The following RP1 variants were observed in gnomAD, a reference collection of about 807,000 sequenced individuals.
RP1 encodes oxygen-regulated protein 1.
RP1 carries 16 observed loss-of-function variants against 14.8 expected under a neutral mutation model. That is an observed-to-expected ratio of 1.08 (90% CI 0.73 to 1.65). The LOEUF is 1.65. RP1 is among the 40% of genes most tolerant of loss of function. The pLI, the probability that RP1 is intolerant of heterozygous loss-of-function variation, is 0.00. For synonymous variants in RP1, 876 were observed against 883.6 expected (o/e 0.99, Z 0.15); for missense variants, 2,631 against 2,535.0 (o/e 1.04, Z -0.81).
Position 54,626,756 on chromosome 8 carries a change from T to G in RP1, c.2874T>G (p.His958Gln). 6.2e-7 allele frequency: 1 copy of G among 1,613,858 alleles called. No individual in the cohort carries two copies. ...SNNSFSGNDP[H>Q]TNSGKISNFV... Reference sequence around the variant, plus strand: ...ATAGTTTTTCAGGGAATGATCCCCATACAAATTCTGGAAAAATAAGTAATT... The same window carrying G: ...ATAGTTTTTCAGGGAATGATCCCCAGACAAATTCTGGAAAAATAAGTAATT... Residue 958 changes from histidine (H) to glutamine (Q), a missense_variant, in exon 4 of 4, where the codon CAT becomes CAG. Coordinates refer to ENST00000220676, the MANE Select transcript of RP1 (RefSeq NM_006269.2).
intron 7 of RP1, among the ~76,000 whole-genome samples, chr8:54,665,071 A>C (rs1468661414): frequency 2.6e-5 from 4 of 152,198 alleles, no homozygotes; most frequent in African/African-American, 9.6e-5. Flanking sequence ...TCTGGAACTT[A>C]AACCTTTGTA....
chr8:54,857,158 C>A (rs981914678), intron 27 of RP1: 1 of 723,488 alleles, frequency 1.4e-6, no homozygotes, highest in South Asian at 7.1e-5. Flanking sequence ...TATGAAAAAT[C>A]GTATAAGAAG....
intron 26 of RP1, among the ~76,000 whole-genome samples, chr8:54,856,732 C>T (rs767531307): frequency 7.2e-5 from 11 of 152,028 alleles, no homozygotes; most frequent in South Asian, 2.1e-4. Context: ...TCATATAGTA[C>T]GGATTATGAG....
intron 24 of RP1, among the ~76,000 whole-genome samples, chr8:54,825,751 C>T (rs536698115): frequency 6.6e-6 from 1 of 152,238 alleles, no homozygotes; most frequent in South Asian, 2.1e-4. Flanking sequence ...TTAGTTGTAT[C>T]AAGTTTTCCT....
intron 1 of RP1, among the ~76,000 whole-genome samples, chr8:54,603,584 G>A (rs958284039): frequency 9.2e-5 from 14 of 152,128 alleles, no homozygotes; most frequent in Admixed American, 9.2e-4. Flanking sequence ...GAAAGTCATT[G>A]GTAGCTTGAT....
intron 1 of RP1, among the ~76,000 whole-genome samples, chr8:54,617,099 A>G (rs1460894254): frequency 6.6e-6 from 1 of 152,248 alleles, no homozygotes; most frequent in East Asian, 1.9e-4. Context: ...GCAAGCTGTC[A>G]TGTCATTAGA....
downstream of RP1, among the ~76,000 whole-genome samples, chr8:54,773,068 C>G (rs1341435937): frequency 1.3e-5 from 2 of 152,088 alleles, no homozygotes; most frequent in Non-Finnish European, 2.9e-5. Context: ...CTTTGGCTTA[C>G]TTCAAAAGTC....
chr8:54,780,620 G>T (rs903214382), intron 23 of RP1, among the ~76,000 whole-genome samples: 12 of 152,070 alleles, frequency 7.9e-5, no homozygotes, highest in African/African-American at 2.9e-4. Context: ...TCTTGTCATT[G>T]TTACCTAAAC....
At chr8:54,776,946 G>A (rs779079413) in intron 23 of RP1, among the ~76,000 whole-genome samples, 1 of 152,204 alleles carries the variant, frequency 6.6e-6, no homozygotes, top group Non-Finnish European at 1.5e-5. Flanking sequence ...TGCGGGTGTT[G>A]AGTGCTCTGG....
chr8:54,620,254 TG>T, intron 1 of RP1, among the ~76,000 whole-genome samples: 1 of 152,360 alleles, frequency 6.6e-6, no homozygotes, highest in East Asian at 1.9e-4. Flanking sequence ...ACCTATATGA[TG>T]GTGGCCCCAT....
At chr8:54,766,983 G>A (rs1399278036) in intron 22 of RP1, among the ~76,000 whole-genome samples, 2 of 152,108 alleles carry the variant, frequency 1.3e-5, no homozygotes, top group Non-Finnish European at 2.9e-5. Flanking sequence ...CATTGGCTTT[G>A]GGGGAATTTT....
In RP1 at chr8:54,629,958, C is replaced by G. The variant is rs781068268; in HGVS notation, c.6076C>G (p.Pro2026Ala). ...AGAAGGTAATTTAAAGAAATTTCAA[C>G]CAGATTTGAAGGAAAGGTTTTGTAT... is the stretch of plus-strand genomic sequence containing the variant. Reference protein sequence around the residue: ...EEEGNLKKFQPDLKERFCMNF... With the variant: ...EEEGNLKKFQADLKERFCMNF... The change falls in exon 4 of 4, where the codon CCA becomes GCA. Residue 2026 changes from proline to alanine, a missense_variant. Pro to Ala is a conservative substitution (Grantham distance 27). Coordinates refer to ENST00000220676, the MANE Select transcript of RP1 (RefSeq NM_006269.2). 10 of 1,613,810 alleles carry G rather than the reference C, an allele frequency of 6.2e-6. No individual in the cohort carries two copies. The South Asian group carries it at 1.1e-4, about 18-fold the overall frequency.
intron 22 of RP1, among the ~76,000 whole-genome samples, chr8:54,763,742 C>A (rs927492474): frequency 3.9e-5 from 6 of 152,150 alleles, no homozygotes; most frequent in Admixed American, 1.3e-4. Context: ...GCAGCATGAC[C>A]AGCTTTGTCC....
At position 54,589,047 on chromosome 8, in the gene RP1, C is replaced by T. The variant is rs530443798; in HGVS notation, c.-13+29727C>T. ...TGTGTGTGTGTGATTCCAGAGTCCTCACTCCTTTCACTCTACCATACTGCT... is the reference window on the plus strand; with the variant it reads ...TGTGTGTGTGTGATTCCAGAGTCCTTACTCCTTTCACTCTACCATACTGCT... On this transcript the variant is annotated intron_variant, in intron 1 of 22. Transcript: ENST00000636932. Among the ~76,000 whole-genome samples, 14 of 152,216 alleles carry T rather than the reference C, an allele frequency of 9.2e-5. No homozygotes were observed. The South Asian group carries it at 1.0e-3, about 11-fold the overall frequency.
At chr8:54,718,476 T>G (rs1365554821) in intron 15 of RP1, among the ~76,000 whole-genome samples, 1 of 152,206 alleles carries the variant, frequency 6.6e-6, no homozygotes, top group Non-Finnish European at 1.5e-5. Context: ...AAGGGTAGAC[T>G]TTTCAACAAA....
At chr8:54,794,263 GAA>G (rs1193812441) in intron 24 of RP1, among the ~76,000 whole-genome samples, 1 of 151,038 alleles carries the variant, frequency 6.6e-6, no homozygotes. Flanking sequence ...AAGCATTCTT[GAA>G]AAAAAAGAAC....
chr8:54,630,073 C>G lies in RP1; in HGVS notation c.6191C>G (p.Ala2064Gly). 1 of 1,613,886 alleles carries G rather than the reference C, an allele frequency of 6.2e-7. No individual in the cohort carries two copies. The highest frequency in any genetic ancestry group is 8.5e-7 in the Non-Finnish European group (1 of 1,179,926). The change falls in exon 4 of 4, where the codon GCA (alanine) becomes GGA (glycine). Residue 2064 changes from alanine (A) to glycine (G), a missense_variant. Coordinates refer to ENST00000220676, the MANE Select transcript of RP1 (RefSeq NM_006269.2). ...LSGQTNEIFK[A>G]VDENNNLLNN... ...GGTCAGACAAATGAAATCTTTAAAG[C>G]AGTCGATGAGAATAACAACTTATTA...
upstream of RP1, among the ~76,000 whole-genome samples, chr8:54,612,608 T>C (rs1030732977): frequency 2.6e-5 from 4 of 152,204 alleles, no homozygotes; most frequent in Admixed American, 2.6e-4. Flanking sequence ...TTAACATCAT[T>C]GTCAAAGTAA....
At chr8:54,679,223 C>T (rs1807366919) in intron 9 of RP1, among the ~76,000 whole-genome samples, 1 of 152,186 alleles carries the variant, frequency 6.6e-6, no homozygotes, top group South Asian at 2.1e-4. Flanking sequence ...ATAGTAACTG[C>T]TGCTTCTACC....
Sources: gnomAD v4.1 joint callset for allele counts (sites outside exome capture counted in the v4.1 genomes callset) on GRCh38, gnomAD v4.1.1 for gene constraint, MANE v1.5 for transcripts, NCBI Gene and HGNC (gene_info 2026-07-23, HGNC 2026-07-21) for gene names.